The following MRPL48 variants were observed in gnomAD, a reference collection of about 807,000 sequenced individuals.
The protein encoded by MRPL48 is large ribosomal subunit protein mL48.
In MRPL48, 16 loss-of-function variants were observed where a neutral mutation model predicts 32.9. That is an observed-to-expected ratio of 0.49 (90% CI 0.33 to 0.74). The LOEUF (loss-of-function observed/expected upper bound fraction) is 0.74. Ranked by LOEUF, MRPL48 falls within the 30% of genes least tolerant of loss-of-function variation. MRPL48 has a pLI of 0.02. For synonymous variants in MRPL48, 94 were observed against 89.2 expected, an observed-to-expected ratio of 1.05 and a Z score of -0.31; for missense variants, 206 against 245.3, an observed-to-expected ratio of 0.84 and a Z score of 1.07.
chr11:73,818,241 C>G (rs540317303), intron 3 of MRPL48, among the ~76,000 whole-genome samples: 101 of 152,286 alleles, frequency 6.6e-4, no homozygotes, highest in African/African-American at 2.3e-3. Flanking sequence ...ACCATTCCAG[C>G]TGCTCTATCC....
intron 3 of MRPL48, among the ~76,000 whole-genome samples, chr11:73,814,575 A>T (rs550043027): frequency 6.6e-6 from 1 of 151,892 alleles, no homozygotes; most frequent in East Asian, 1.9e-4. Context: ...CATGCCTGTA[A>T]TCCCAGCTAC....
chr11:73,814,005 C>T (rs1247480578), intron 3 of MRPL48, among the ~76,000 whole-genome samples: 1 of 148,044 alleles, frequency 6.8e-6, no homozygotes, highest in African/African-American at 2.5e-5. Flanking sequence ...CTCGCCACTG[C>T]ACTCCAGCCT....
chr11:73,799,277 AG>A (rs1947313954), intron 1 of MRPL48, among the ~76,000 whole-genome samples: 1 of 152,048 alleles, frequency 6.6e-6, no homozygotes. Flanking sequence ...GCTTAAGTCT[AG>A]GGGGTCGAGG....
Position 73,804,924 on chromosome 11 carries a change from C to T in MRPL48, c.22-103C>T. The T allele has an allele frequency of 3.9e-6, 4 of 1,021,996 alleles. No individual in the cohort carries two copies. The Admixed American group carries it at 8.3e-5, about 21-fold the overall frequency. 63.3% of individuals were successfully genotyped at this position (1,021,996 alleles called of 1,614,324 possible). A position where few individuals can be genotyped will look rare whatever the true frequency, so the allele number is the denominator to read the frequency against. On this transcript the variant is annotated intron_variant, in intron 1 of 7. Transcript: ENST00000310614. The stretch of plus-strand genomic sequence containing the variant: ...CTTTGTTAGATAAGAGCCTTTTTGT[C>T]CTTTTCTGGTTTGTGTACTGTGGGT...
At chr11:73,829,745 A>G (rs913033747) in intron 4 of MRPL48, among the ~76,000 whole-genome samples, 1 of 151,848 alleles carries the variant, frequency 6.6e-6, no homozygotes, top group African/African-American at 2.4e-5. Flanking sequence ...CTATGTTTTA[A>G]TCATCTGAGT....
intron 5 of MRPL48, among the ~76,000 whole-genome samples, chr11:73,859,044 C>A (rs1948536410): frequency 6.6e-6 from 1 of 152,112 alleles, no homozygotes; most frequent in Non-Finnish European, 1.5e-5. Context: ...TGACTGTGAC[C>A]ACTTGGGGTA....
chr11:73,793,860 T>G (rs940457153), intron 1 of MRPL48, among the ~76,000 whole-genome samples: 9 of 118,612 alleles, frequency 7.6e-5, no homozygotes, highest in African/African-American at 2.3e-4. Flanking sequence ...TGTTTCGTGT[T>G]TTTTTTTTTT....
At chr11:73,821,646 C>T (rs772603760) in intron 3 of MRPL48, among the ~76,000 whole-genome samples, 1 of 152,170 alleles carries the variant, frequency 6.6e-6, no homozygotes, top group South Asian at 2.1e-4. Context: ...GTGCCCCTCC[C>T]GTGTACAGTG....
chr11:73,834,769 A>G (rs1196251768), intron 4 of MRPL48, among the ~76,000 whole-genome samples: 1 of 150,962 alleles, frequency 6.6e-6, no homozygotes, highest in East Asian at 1.9e-4. Context: ...TCCTGACCTC[A>G]GGTGATCTGC....
In MRPL48 at chr11:73,808,352, T is replaced by C; in HGVS notation, c.112+2T>C. The stretch of plus-strand genomic sequence containing the variant: ...GAGAGAAGCCCATCTATTCTGTAGG[T>C]AAGCAGTTTTTACCTGATGTAGTTG... On this transcript the variant is annotated splice_donor_variant, in intron 3 of 7. Coordinates refer to ENST00000310614, the MANE Select transcript of MRPL48 (RefSeq NM_016055.6). LOFTEE classifies it high-confidence loss of function. 6.2e-7 allele frequency: 1 copy of C among 1,607,152 alleles called. No individual in the cohort carries two copies. The highest frequency in any genetic ancestry group is 1.7e-4 in the Middle Eastern group (1 of 6,052).
At position 73,864,652 on chromosome 11, in the gene MRPL48, A is replaced by G; in HGVS notation, c.*282A>G. The G allele has an allele frequency of 2.3e-6, 1 of 428,184 alleles. No homozygotes were observed. 26.5% of individuals were successfully genotyped at this position (428,184 alleles called of 1,614,324 possible). A position where few individuals can be genotyped will look rare whatever the true frequency, so the allele number is the denominator to read the frequency against. On this transcript the variant is annotated 3_prime_UTR_variant, in exon 8 of 8. Transcript: ENST00000310614. ...GAGAAATTGGCCCATCCTGTGGAGT[A>G]TCTTTAAGAGATTCTATATTCTGGC...
chr11:73,852,078 A>G (rs952738747), intron 5 of MRPL48, among the ~76,000 whole-genome samples: 1 of 152,230 alleles, frequency 6.6e-6, no homozygotes, highest in Non-Finnish European at 1.5e-5. Context: ...TCAAAGTACC[A>G]TTCCGAGAAG....
At chr11:73,817,079 G>C (rs117015948) in intron 3 of MRPL48, among the ~76,000 whole-genome samples, 1,932 of 151,940 alleles carry the variant, frequency 0.013, 23 homozygotes, top group Middle Eastern at 0.02. Flanking sequence ...TGGTTCACCC[G>C]CTTGGGCCTC....
At chr11:73,844,079 CA>C (rs34070213) in intron 4 of MRPL48, among the ~76,000 whole-genome samples, 11,497 of 139,318 alleles carry the variant, frequency 0.083, 548 homozygotes, top group African/African-American at 0.13. Context: ...AACTCCATCT[CA>C]AAAAAAAAAA....
intron 4 of MRPL48, among the ~76,000 whole-genome samples, chr11:73,839,082 G>A (rs1442165952): frequency 2.0e-5 from 3 of 152,202 alleles, no homozygotes; most frequent in Non-Finnish European, 4.4e-5. Flanking sequence ...GCCACAGATT[G>A]TATTAACCAT....
chr11:73,793,307 C>T (rs564201861), intron 1 of MRPL48, among the ~76,000 whole-genome samples: 4 of 152,264 alleles, frequency 2.6e-5, no homozygotes, highest in Non-Finnish European at 5.9e-5. Context: ...TCAGGTGATC[C>T]GCCCACCTTG....
chr11:73,812,021 G>C (rs895231595), intron 3 of MRPL48, among the ~76,000 whole-genome samples: 5 of 152,048 alleles, frequency 3.3e-5, no homozygotes, highest in African/African-American at 1.2e-4. Context: ...AAGTAGCTGG[G>C]ACTACAGGCA....
At chr11:73,806,654 G>A (rs1007905166) in intron 2 of MRPL48, among the ~76,000 whole-genome samples, 9 of 152,090 alleles carry the variant, frequency 5.9e-5, no homozygotes, top group African/African-American at 2.2e-4. Flanking sequence ...CACATAGTAG[G>A]CATTTAATAA....
intron 4 of MRPL48, among the ~76,000 whole-genome samples, chr11:73,827,802 A>T (rs1219546047): frequency 6.6e-6 from 1 of 152,188 alleles, no homozygotes; most frequent in Non-Finnish European, 1.5e-5. Flanking sequence ...GGAGAAGAAC[A>T]TTACCACCTA....
Sources: allele counts gnomAD v4.1 joint callset (sites outside exome capture counted in the v4.1 genomes callset), GRCh38; gene constraint gnomAD v4.1.1; transcripts MANE v1.5; gene names NCBI Gene and HGNC (gene_info 2026-07-23, HGNC 2026-07-21).